KLHL7: variants seen among roughly 807,000 people sequenced by gnomAD.
The protein encoded by KLHL7 is kelch-like protein 7.
KLHL7 carries 44 observed loss-of-function variants against 67.4 expected under a neutral mutation model. The ratio of observed to expected loss-of-function variants is 0.65; its 90% CI spans 0.51 to 0.84. The LOEUF is 0.84. Ranked by LOEUF, KLHL7 falls within the 40% of genes least tolerant of loss-of-function variation. The pLI is 0.00. For missense variants in KLHL7, 362 were observed against 718.1 expected (o/e 0.50, Z 5.67); for synonymous variants, 252 against 243.3 (o/e 1.04, Z -0.33).
chr7:23,115,969 A>G (rs1216680096), intron 1 of KLHL7, among the ~76,000 whole-genome samples: 1 of 152,056 alleles, frequency 6.6e-6, no homozygotes, highest in Admixed American at 6.5e-5. Context: ...CTTAATTTTG[A>G]TATCTTTTTT....
At chr7:23,127,599 A>G (rs1242637681) in intron 4 of KLHL7, among the ~76,000 whole-genome samples, 1 of 152,160 alleles carries the variant, frequency 6.6e-6, no homozygotes, top group Non-Finnish European at 1.5e-5. Context: ...TCGAGCTTCC[A>G]CAAATGCTAA....
intron 1 of KLHL7, chr7:23,106,615 C>G: frequency 9.6e-7 from 1 of 1,038,332 alleles, no homozygotes; most frequent in Non-Finnish European, 1.2e-6. Flanking sequence ...TCCTGTGTTC[C>G]CCGGTGGAGC....
chr7:23,119,503 A>T (rs1303334228), intron 1 of KLHL7, among the ~76,000 whole-genome samples: 1 of 152,164 alleles, frequency 6.6e-6, no homozygotes, highest in Non-Finnish European at 1.5e-5. Flanking sequence ...CCCAGCCCCC[A>T]ATATTGTCAC....
intron 1 of KLHL7, among the ~76,000 whole-genome samples, chr7:23,111,240 G>A (rs1187103408): frequency 1.3e-5 from 2 of 152,158 alleles, no homozygotes; most frequent in South Asian, 2.1e-4. Flanking sequence ...AAGAGAAAAG[G>A]GAAGAGTGAC....
rs1028357748 is a variant in KLHL7, at chr7:23,174,199, A to G, written c.1662A>G (p.Lys554=). Residue 554 remains lysine (K), a synonymous_variant, in exon 11 of 11, where the codon AAA becomes AAG. Transcript: ENST00000339077. ...TCGAATATAATACCGAAACAGACAAATGGGTTGCCAACTCCAAAGTTCGTG... is the reference window on the plus strand; with the variant it reads ...TCGAATATAATACCGAAACAGACAAGTGGGTTGCCAACTCCAAAGTTCGTG... ...HILEYNTETD[K]WVANSKVRAF... is the part of the protein sequence containing the mutation. 3 of 1,614,070 alleles carry G rather than the reference A, an allele frequency of 1.9e-6. No homozygotes were observed. In the African/African-American group the frequency reaches 4.0e-5, roughly 22 times the overall value.
chr7:23,162,132 G>A (rs115487850), intron 7 of KLHL7, among the ~76,000 whole-genome samples: 1,741 of 152,224 alleles, frequency 0.011, 43 homozygotes, highest in African/African-American at 0.04. Flanking sequence ...CCAGTCCTTT[G>A]TTCTTTCTAG....
At chr7:23,130,271 G>A (rs1783750911) in intron 4 of KLHL7, among the ~76,000 whole-genome samples, 1 of 152,140 alleles carries the variant, frequency 6.6e-6, no homozygotes. Flanking sequence ...TATCTCATAA[G>A]TTTTTGCATA....
intron 4 of KLHL7, chr7:23,125,374 T>G: frequency 1.7e-6 from 1 of 590,134 alleles, no homozygotes; most frequent in Non-Finnish European, 2.9e-6. Context: ...TTAAATATTA[T>G]ATCAACATTT....
At chr7:23,140,521 C>T in intron 4 of KLHL7, 1 of 469,114 alleles carries the variant, frequency 2.1e-6, no homozygotes, top group Non-Finnish European at 3.9e-6. Context: ...CGCGCCACTG[C>T]ACTCCAGCCT....
At chr7:23,157,840 TTAA>T (rs978285892) in intron 7 of KLHL7, among the ~76,000 whole-genome samples, 1 of 152,192 alleles carries the variant, frequency 6.6e-6, no homozygotes, top group Admixed American at 6.5e-5. Flanking sequence ...ACAGCTGGCC[TTAA>T]TTATAAATTA....
chr7:23,118,029 C>T, intron 1 of KLHL7: 1 of 1,577,062 alleles, frequency 6.3e-7, no homozygotes, highest in Non-Finnish European at 8.7e-7. Context: ...CAGTTGACTG[C>T]ATGCCTCTTA....
intron 10 of KLHL7, among the ~76,000 whole-genome samples, chr7:23,173,711 CA>C (rs759618609): frequency 1.3e-5 from 2 of 152,038 alleles, no homozygotes; most frequent in Non-Finnish European, 2.9e-5. Flanking sequence ...TAATTATAAT[CA>C]AAGTTAATCA....
Position 23,175,077 on chromosome 7 carries a change from A to G in KLHL7, c.*779A>G, listed in dbSNP as rs706013. 39,772 of 453,906 alleles carry G rather than the reference A, an allele frequency of 0.088. 3,990 individuals carry two copies. Among genetic ancestry groups the G allele is most frequent in the African/African-American group, 0.35 (17,604 of 50,040 alleles). 28.1% of individuals were successfully genotyped at this position (453,906 alleles called of 1,614,324 possible). On this transcript the variant is annotated 3_prime_UTR_variant, in exon 11 of 11. Transcript: ENST00000339077. ...CATAGTAAGTGATTAACTAGCAAAA[A>G]GTAAAGCTATTTATAGCAAATTTCT...
intron 7 of KLHL7, among the ~76,000 whole-genome samples, chr7:23,161,971 T>TA (rs1387428146): frequency 1.3e-5 from 2 of 152,242 alleles, no homozygotes; most frequent in Non-Finnish European, 1.5e-5. Context: ...AGTGAAAAGA[T>TA]ACGGAGATTG....
At position 23,174,576 on chromosome 7, in the gene KLHL7, T is replaced by A; in HGVS notation, c.*278T>A. The A allele has an allele frequency of 1.8e-6, 1 of 552,468 alleles. No individual in the cohort carries two copies. The highest frequency in any genetic ancestry group is 3.4e-6 in the Non-Finnish European group (1 of 291,526). 34.2% of individuals were successfully genotyped at this position (552,468 alleles called of 1,614,324 possible). On this transcript the variant is annotated 3_prime_UTR_variant, in exon 11 of 11. Coordinates refer to ENST00000339077, the MANE Select transcript of KLHL7 (RefSeq NM_001031710.3). ...GAATTTCTTGAATGAATTTCACATT[T>A]GTAACTATGATTTTGGCAGAATAGA...
At chr7:23,110,960 G>A (rs754609464) in intron 1 of KLHL7, among the ~76,000 whole-genome samples, 1 of 151,994 alleles carries the variant, frequency 6.6e-6, no homozygotes, top group Non-Finnish European at 1.5e-5. Context: ...ACAACCCACT[G>A]TATGCTAAAC....
chr7:23,167,754 A>G, intron 8 of KLHL7, 82 bp from the exon 9 acceptor site: 1 of 1,258,278 alleles, frequency 7.9e-7, no homozygotes, highest in Non-Finnish European at 1.2e-6. Context: ...TTCCTTCCTT[A>G]ACTAATAAGA....
chr7:23,170,859 A>G (rs1233106396), intron 9 of KLHL7, among the ~76,000 whole-genome samples: 1 of 152,016 alleles, frequency 6.6e-6, no homozygotes, highest in Non-Finnish European at 1.5e-5. Context: ...AATTATGTCT[A>G]TGGAAACAAT....
chr7:23,172,971 T>C lies in KLHL7; in HGVS notation c.1403T>C (p.Ile468Thr), dbSNP rs1490167554. 2 of 1,613,816 alleles carry C rather than the reference T, an allele frequency of 1.2e-6. No homozygotes were observed. Among genetic ancestry groups the C allele is most frequent in the East Asian group, 2.2e-5 (1 of 44,824 alleles). ...TETWTELCPM[I>T]EARKNHGLVF... Reference sequence around the variant, plus strand: ...AGATGGACTGAGCTGTGTCCAATGATTGAAGCCAGGAAGAATCATGGGCTG... The same window carrying C: ...AGATGGACTGAGCTGTGTCCAATGACTGAAGCCAGGAAGAATCATGGGCTG... Residue 468 changes from isoleucine to threonine, a missense_variant, in exon 10 of 11, where the codon ATT becomes ACT. Ile to Thr is a moderately conservative substitution (Grantham distance 89). Coordinates refer to ENST00000339077, the MANE Select transcript of KLHL7 (RefSeq NM_001031710.3).
Sources: gnomAD v4.1 joint callset for allele counts (sites outside exome capture counted in the v4.1 genomes callset) on GRCh38, gnomAD v4.1.1 for gene constraint, MANE v1.5 for transcripts, NCBI Gene and HGNC (gene_info 2026-07-23, HGNC 2026-07-21) for gene names.